Variants in MYOF observed in about 807,000 individuals in gnomAD.
MYOF encodes fer-1-like 3, myoferlin.
MYOF carries 244 observed loss-of-function variants against 284.2 expected under a neutral mutation model. The ratio of observed to expected loss-of-function variants is 0.86; its 90% CI spans 0.77 to 0.95. The LOEUF (loss-of-function observed/expected upper bound fraction) is 0.95, where lower values mean the gene tolerates loss of function less well. MYOF is among the 40% of genes least tolerant of loss of function. The pLI, the probability that MYOF is intolerant of heterozygous loss-of-function variation, is 0.00. For synonymous variants in MYOF, 904 were observed against 919.7 expected, an observed-to-expected ratio of 0.98 and a Z score of 0.31; for missense variants, 2,496 against 2,560.6, an observed-to-expected ratio of 0.97 and a Z score of 0.54.
chr10:93,339,642 G>A (rs1843792078), intron 39 of MYOF, among the ~76,000 whole-genome samples: 2 of 151,750 alleles, frequency 1.3e-5, no homozygotes, highest in Admixed American at 6.6e-5. Flanking sequence ...GTGAATGTTT[G>A]TATTTTTAGT....
intron 4 of MYOF, among the ~76,000 whole-genome samples, chr10:93,431,124 G>A (rs534256950): frequency 1.4e-3 from 213 of 151,382 alleles, no homozygotes; most frequent in Non-Finnish European, 2.7e-3. Flanking sequence ...CATCTCCTGG[G>A]TTCAAGCGAG....
At chr10:93,312,157 AATG>A (rs1842417649) in intron 51 of MYOF, among the ~76,000 whole-genome samples, 1 of 152,236 alleles carries the variant, frequency 6.6e-6, no homozygotes, top group Non-Finnish European at 1.5e-5. Flanking sequence ...GTTCAAAATT[AATG>A]ATCAAAAATG....
intron 2 of MYOF, among the ~76,000 whole-genome samples, chr10:93,453,892 A>G (rs1398404798): frequency 7.2e-5 from 11 of 151,838 alleles, no homozygotes. Context: ...CTCAAAAAAG[A>G]AAAAAAAGAG....
At chr10:93,421,438 C>A (rs1458908793) in intron 5 of MYOF, among the ~76,000 whole-genome samples, 1 of 152,054 alleles carries the variant, frequency 6.6e-6, no homozygotes, top group Non-Finnish European at 1.5e-5. Context: ...TCAAAGATAC[C>A]TTTTGCTCAG....
chr10:93,381,986 G>A (rs1048070207), intron 19 of MYOF, among the ~76,000 whole-genome samples: 7 of 152,052 alleles, frequency 4.6e-5, no homozygotes, highest in South Asian at 2.1e-4. Flanking sequence ...GCAGTGAGCC[G>A]ATATCGTGCC....
chr10:93,391,657 C>T (rs1177763516), intron 17 of MYOF, among the ~76,000 whole-genome samples: 1 of 152,050 alleles, frequency 6.6e-6, no homozygotes, highest in Non-Finnish European at 1.5e-5. Flanking sequence ...AAATCTCTTC[C>T]TGCCTCCAAA....
At chr10:93,352,555 A>G (rs564528877) in intron 32 of MYOF, among the ~76,000 whole-genome samples, 10 of 152,348 alleles carry the variant, frequency 6.6e-5, no homozygotes, top group Non-Finnish European at 1.3e-4. Context: ...TGGAGAAATA[A>G]TCCATGTTCT....
Position 93,323,300 on chromosome 10 carries a change from G to A in MYOF, c.5330C>T (p.Pro1777Leu). 2 of 1,614,118 alleles carry A rather than the reference G, an allele frequency of 1.2e-6. No homozygotes were observed. Among genetic ancestry groups the A allele is most frequent in the Non-Finnish European group, 1.7e-6 (2 of 1,179,960 alleles). Reference protein sequence around the residue: ...FPKSLGPPGPPFNITPRKAKK... With the variant: ...FPKSLGPPGPLFNITPRKAKK... ...GGCTTTCCGGGGTGTGATGTTGAAA[G>A]GAGGGCCTGGTGGCCCCAAACTCTT... Residue 1777 changes from proline to leucine, a missense_variant, in exon 47 of 54, where the codon CCT becomes CTT. Coordinates refer to ENST00000359263, the MANE Select transcript of MYOF (RefSeq NM_013451.4).
At chr10:93,357,724 A>G (rs1844872243) in intron 29 of MYOF, among the ~76,000 whole-genome samples, 1 of 152,256 alleles carries the variant, frequency 6.6e-6, no homozygotes, top group African/African-American at 2.4e-5. Flanking sequence ...ACCCTCTAGT[A>G]ACATAAATAG....
intron 1 of MYOF, among the ~76,000 whole-genome samples, chr10:93,477,608 G>A (rs892141311): frequency 6.6e-6 from 1 of 151,904 alleles, no homozygotes; most frequent in African/African-American, 2.4e-5. Context: ...CAGCACTTTG[G>A]GAGGCCAAGG....
At chr10:93,393,940 T>C (rs559094584) in intron 16 of MYOF, among the ~76,000 whole-genome samples, 1 of 152,328 alleles carries the variant, frequency 6.6e-6, no homozygotes, top group South Asian at 2.1e-4. Context: ...ATATAAATAT[T>C]CTCTGCAGAG....
intron 28 of MYOF, among the ~76,000 whole-genome samples, chr10:93,360,313 GC>G (rs1845008616): frequency 6.6e-6 from 1 of 152,230 alleles, no homozygotes; most frequent in Non-Finnish European, 1.5e-5. Flanking sequence ...CGGTTGCACA[GC>G]CTGGGTTCAA....
intron 53 of MYOF, among the ~76,000 whole-genome samples, chr10:93,307,830 G>A (rs953622949): frequency 1.4e-5 from 2 of 147,746 alleles, no homozygotes; most frequent in Admixed American, 1.4e-4. Context: ...TCACCATGTT[G>A]GTCAGGCTGG....
At chr10:93,400,853 G>GTTTTTTTTT (rs551007757) in intron 12 of MYOF, among the ~76,000 whole-genome samples, 6 of 113,956 alleles carry the variant, frequency 5.3e-5, no homozygotes, top group African/African-American at 1.7e-4. Context: ...TGCTCAGCAT[G>GTTTTTTTTT]TTTTTTTTTT....
At chr10:93,399,264 TC>T in intron 13 of MYOF, 127 bp downstream of exon 13, 3 of 660,320 alleles carry the variant, frequency 4.5e-6, no homozygotes, top group Non-Finnish European at 7.7e-6. Context: ...TAATCTGTGT[TC>T]CCTCAGAGTG....
At chr10:93,438,687 G>A (rs1438664534) in intron 3 of MYOF, among the ~76,000 whole-genome samples, 2 of 152,166 alleles carry the variant, frequency 1.3e-5, no homozygotes, top group Non-Finnish European at 2.9e-5. Context: ...GAGGGCTAGG[G>A]ATAGGGAAGG....
chr10:93,435,906 A>T (rs371774179), intron 3 of MYOF, among the ~76,000 whole-genome samples: 1 of 149,020 alleles, frequency 6.7e-6, no homozygotes, highest in Non-Finnish European at 1.5e-5. Context: ...CTTGTCTCAA[A>T]AATAATAATA....
chr10:93,451,035 TTC>T (rs1347804753), intron 3 of MYOF, among the ~76,000 whole-genome samples: 2 of 152,234 alleles, frequency 1.3e-5, no homozygotes, highest in East Asian at 3.9e-4. Context: ...TAAGCAGGTA[TTC>T]TGGTTTTAAG....
chr10:93,454,911 C>A lies in MYOF; in HGVS notation c.144+1971G>T, dbSNP rs141998613. Among the ~76,000 whole-genome samples the A allele has an allele frequency of 2.5e-3, 354 of 143,052 alleles. 5 individuals are homozygous for A. The highest frequency in any genetic ancestry group is 2.5e-3 in the Non-Finnish European group (170 of 67,138). The allele number at this position is 143,052 out of a possible 152,430, so 93.8% of individuals were successfully genotyped here. A position where few individuals can be genotyped will look rare whatever the true frequency, so the allele number is the denominator to read the frequency against. ...GGGCTATCGCTTGGCCCTGGGAGAT[C>A]GAGGCTGTAGTAAGATATGATTACA... On this transcript the variant is annotated intron_variant, in intron 2 of 53. Coordinates refer to ENST00000359263, the MANE Select transcript of MYOF (RefSeq NM_013451.4).
Sources: gnomAD v4.1 joint callset for allele counts (sites outside exome capture counted in the v4.1 genomes callset) on GRCh38, gnomAD v4.1.1 for gene constraint, MANE v1.5 for transcripts, NCBI Gene and HGNC (gene_info 2026-07-23, HGNC 2026-07-21) for gene names.